The following MYH10 variants were observed in gnomAD, a reference collection of about 807,000 sequenced individuals.
The protein encoded by MYH10 is myosin heavy chain 10.
A neutral mutation model predicts 257.8 loss-of-function variants in MYH10; 55 were observed. That is an observed-to-expected ratio of 0.21 (90% CI 0.17 to 0.27). The LOEUF (loss-of-function observed/expected upper bound fraction) is 0.27, where lower values mean the gene tolerates loss of function less well. Among genes scored for constraint, MYH10 ranks in the 10% least tolerant of loss-of-function variants. The pLI, the probability that MYH10 is intolerant of heterozygous loss-of-function variation, is 1.00. For missense variants in MYH10, 1,631 were observed against 2,500.6 expected (o/e 0.65, Z 7.42); for synonymous variants, 854 against 921.7 (o/e 0.93, Z 1.33).
chr17:8,596,539 C>T (rs1443376637), intron 3 of MYH10, among the ~76,000 whole-genome samples: 2 of 151,702 alleles, frequency 1.3e-5, no homozygotes, highest in African/African-American at 4.8e-5. Context: ...ATGTAGGAAA[C>T]TTGTATCCAG....
intron 28 of MYH10, among the ~76,000 whole-genome samples, chr17:8,502,466 T>G (rs1482108786): frequency 8.4e-6 from 1 of 119,180 alleles, no homozygotes; most frequent in Non-Finnish European, 1.9e-5. Flanking sequence ...GCACGTTGTC[T>G]TTTGGGAAAA....
intron 17 of MYH10, among the ~76,000 whole-genome samples, chr17:8,524,864 G>A (rs1011547733): frequency 2.6e-5 from 4 of 152,192 alleles, no homozygotes; most frequent in Non-Finnish European, 4.4e-5. Flanking sequence ...GTACAGCATA[G>A]CAATGGCCTT....
chr17:8,592,479 C>T (rs929261802), intron 3 of MYH10, among the ~76,000 whole-genome samples: 4 of 151,836 alleles, frequency 2.6e-5, no homozygotes, highest in Non-Finnish European at 5.9e-5. Flanking sequence ...TGATTAAGAA[C>T]CCATGGATAT....
chr17:8,493,864 G>A lies in MYH10; in HGVS notation c.4078C>T (p.Arg1360Cys), dbSNP rs769768412. 21 of 1,607,454 alleles carry A rather than the reference G, an allele frequency of 1.3e-5. No homozygotes were observed. In the East Asian group the frequency reaches 2.7e-4, roughly 21 times the overall value. ...DTQELLQEET[R>C]QKLNLSSRIR... ...CGACTGCTCAGGTTTAGTTTCTGGC[G>A]TGTCTCCTCCTGAAGAAGCTCCTGT... Residue 1360 changes from arginine to cysteine, a missense_variant, in exon 32 of 43, where the codon CGC (arginine) becomes TGC (cysteine). This residue lies in a region of MYH10 where 463 missense variants were observed against 621.8 expected (regional missense o/e 0.74). Transcript: ENST00000360416.
chr17:8,593,240 G>C (rs1007440631), intron 3 of MYH10, among the ~76,000 whole-genome samples: 1 of 151,868 alleles, frequency 6.6e-6, no homozygotes, highest in Admixed American at 6.6e-5. Flanking sequence ...CTCTTTAATA[G>C]TGAAAAACTG....
intron 32 of MYH10, 112 bp from the exon 33 acceptor site, chr17:8,493,136 G>A (rs1257086238): frequency 5.7e-6 from 7 of 1,221,126 alleles, no homozygotes; most frequent in Non-Finnish European, 7.9e-6. Context: ...GAGGCGGCAG[G>A]ATCACTTGAG....
chr17:8,598,710 C>CTTT (rs11442242), intron 3 of MYH10, among the ~76,000 whole-genome samples: 1 of 142,810 alleles, frequency 7.0e-6, no homozygotes, highest in African/African-American at 2.6e-5. Flanking sequence ...CATTTTGTAC[C>CTTT]TTTTTTTTTT....
chr17:8,578,888 ATT>A, intron 4 of MYH10, among the ~76,000 whole-genome samples: 1 of 152,312 alleles, frequency 6.6e-6, no homozygotes, highest in East Asian at 1.9e-4. Context: ...CAAAAATGTT[ATT>A]ATATACCTTG....
intron 14 of MYH10, among the ~76,000 whole-genome samples, chr17:8,539,575 T>C (rs967711742): frequency 1.4e-4 from 22 of 152,144 alleles, no homozygotes; most frequent in African/African-American, 4.8e-4. Flanking sequence ...CAGGCCATAA[T>C]TGAGGATTTA....
chr17:8,497,279 G>A (rs926014565), intron 30 of MYH10, among the ~76,000 whole-genome samples: 1 of 152,218 alleles, frequency 6.6e-6, no homozygotes, highest in Admixed American at 6.5e-5. Flanking sequence ...TTTTCAATGT[G>A]GCAATATAGG....
chr17:8,529,460 C>G lies in MYH10; in HGVS notation c.1957+1163G>C, dbSNP rs535387053. Among the ~76,000 whole-genome samples, 12 of 152,300 alleles carry G rather than the reference C, an allele frequency of 7.9e-5. No homozygotes were observed. In the South Asian group the frequency reaches 2.1e-3, roughly 26 times the overall value. ...CTAACCTTTAATAAAGCACAAGTCC[C>G]AGGTTATAGCTGAAAACTACCTCCA... is the stretch of plus-strand genomic sequence containing the variant. On this transcript the variant is annotated intron_variant, in intron 17 of 42. Coordinates refer to ENST00000360416, the MANE Select transcript of MYH10 (RefSeq NM_001256012.3).
chr17:8,548,927 T>C (rs1449767259), intron 9 of MYH10, 140 bp from the exon 10 acceptor site: 1 of 605,656 alleles, frequency 1.7e-6, no homozygotes, highest in African/African-American at 1.9e-5. Context: ...TTTTTTTTCT[T>C]TATATATTCA....
chr17:8,483,303 C>G (rs946539910), intron 37 of MYH10, among the ~76,000 whole-genome samples: 1 of 151,894 alleles, frequency 6.6e-6, no homozygotes. Context: ...CTCAAGAAGT[C>G]AGAAAAAAAA....
chr17:8,541,980 T>A, intron 14 of MYH10, 127 bp downstream of exon 14: 2 of 954,418 alleles, frequency 2.1e-6, no homozygotes, highest in Non-Finnish European at 3.0e-6. Flanking sequence ...ATCACCTTCC[T>A]AGAAAATTTA....
chr17:8,623,448 G>A (rs2085544627), intron 1 of MYH10, 171 bp from the exon 2 acceptor site: 5 of 475,198 alleles, frequency 1.1e-5, no homozygotes, highest in South Asian at 7.1e-5. Context: ...AAATTTCAGC[G>A]GTGACCACAA....
At position 8,487,568 on chromosome 17, in the gene MYH10, C is replaced by T. The variant is rs1236785767; in HGVS notation, c.4911G>A (p.Glu1637=). 6.2e-7 allele frequency: 1 copy of T among 1,614,190 alleles called. No homozygotes were observed. Among genetic ancestry groups the T allele is most frequent in the South Asian group, 1.1e-5 (1 of 91,084 alleles). Reference sequence around the variant, plus strand: ...CAAGCGCCCGCTGTTTCCTCTCATCCTCCAGCTCCGCCTCGAGCTCCCGCA... The same window carrying T: ...CAAGCGCCCGCTGTTTCCTCTCATCTTCCAGCTCCGCCTCGAGCTCCCGCA... ...KQVRELEAEL[E]DERKQRALAV... The change falls in exon 36 of 43, where the codon GAG becomes GAA. Residue 1637 remains glutamate (E), a synonymous_variant. Transcript: ENST00000360416.
chr17:8,497,429 C>T (rs1048652761), intron 30 of MYH10, among the ~76,000 whole-genome samples: 1 of 151,360 alleles, frequency 6.6e-6, no homozygotes, highest in Non-Finnish European at 1.5e-5. Flanking sequence ...TGGATTCAAC[C>T]AACCATGTAT....
chr17:8,515,194 C>T (rs985056576), intron 21 of MYH10, among the ~76,000 whole-genome samples: 2 of 152,132 alleles, frequency 1.3e-5, no homozygotes, highest in Admixed American at 1.3e-4. Flanking sequence ...CCTTTTATAA[C>T]GGCTTGCAGG....
chr17:8,626,578 A>AAT (rs1284109448), intron 1 of MYH10, among the ~76,000 whole-genome samples: 2 of 140,182 alleles, frequency 1.4e-5, no homozygotes, highest in Non-Finnish European at 3.0e-5. Flanking sequence ...AAATAATAAT[A>AAT]AATAATAATA....
Sources: gnomAD v4.1 joint callset for allele counts (sites outside exome capture counted in the v4.1 genomes callset) on GRCh38, gnomAD v4.1.1 for gene constraint, gnomAD v4.1.1 regional missense constraint, MANE v1.5 for transcripts, NCBI Gene and HGNC (gene_info 2026-07-23, HGNC 2026-07-21) for gene names.